ZFPM2: variants seen among roughly 807,000 people sequenced by gnomAD.
ZFPM2 encodes zinc finger protein ZFPM2.
A neutral mutation model predicts 98.6 loss-of-function variants in ZFPM2; 20 were observed. That is an observed-to-expected ratio of 0.20 (90% CI 0.14 to 0.29). The LOEUF (loss-of-function observed/expected upper bound fraction) is 0.29. Ranked by LOEUF, ZFPM2 falls within the 10% of genes least tolerant of loss-of-function variation. The pLI, the probability that ZFPM2 is intolerant of heterozygous loss-of-function variation, is 1.00. For missense variants in ZFPM2, 1,310 were observed against 1,388.6 expected (o/e 0.94, Z 0.90); for synonymous variants, 518 against 502.7 (o/e 1.03, Z -0.41).
chr8:105,606,248 C>T (rs924324711), intron 4 of ZFPM2, among the ~76,000 whole-genome samples: 1 of 152,062 alleles, frequency 6.6e-6, no homozygotes, highest in Non-Finnish European at 1.5e-5. Context: ...TCTCCTCACC[C>T]TAAGAGGACA....
intron 4 of ZFPM2, among the ~76,000 whole-genome samples, chr8:105,632,580 T>G (rs1379052823): frequency 2.0e-5 from 3 of 152,212 alleles, no homozygotes; most frequent in Admixed American, 6.5e-5. Context: ...TCATTTCATA[T>G]AGAACAAGTT....
In ZFPM2 at chr8:105,497,055, G is replaced by A. The variant is rs1264440795; in HGVS notation, c.301+52674G>A. The stretch of plus-strand genomic sequence containing the variant: ...GGCTGGAGTGCAGTGGCGAGATCTG[G>A]GCTCACTGTGAGCTCCGCCTCCAGG... On this transcript the variant is annotated intron_variant, in intron 3 of 7. Transcript: ENST00000407775. Among the ~76,000 whole-genome samples the A allele has an allele frequency of 5.3e-5, 8 of 150,732 alleles. No individual in the cohort carries two copies. In the South Asian group the frequency reaches 1.7e-3, roughly 32 times the overall value.
intron 5 of ZFPM2, chr8:105,787,312 A>C (rs900649426): frequency 2.6e-5 from 4 of 152,210 alleles, no homozygotes; most frequent in African/African-American, 7.2e-5. Context: ...ATTCGTGAAA[A>C]GTAGTTGTTT....
chr8:105,775,900 A>G (rs967060838), intron 5 of ZFPM2, among the ~76,000 whole-genome samples: 1 of 152,134 alleles, frequency 6.6e-6, no homozygotes, highest in African/African-American at 2.4e-5. Context: ...ATGGCCTCCA[A>G]CACATTAATT....
At chr8:105,658,678 G>T (rs1817335280) in intron 5 of ZFPM2, among the ~76,000 whole-genome samples, 2 of 149,624 alleles carry the variant, frequency 1.3e-5, no homozygotes, top group African/African-American at 4.9e-5. Context: ...CTTCTTGACT[G>T]TCTAACCAAA....
intron 5 of ZFPM2, among the ~76,000 whole-genome samples, chr8:105,758,486 G>A (rs1262381670): frequency 6.6e-6 from 1 of 152,062 alleles, no homozygotes; most frequent in African/African-American, 2.4e-5. Flanking sequence ...TTCTATACAT[G>A]AACCCAAGGC....
chr8:105,624,895 A>G (rs998896266), intron 4 of ZFPM2, among the ~76,000 whole-genome samples: 1 of 152,200 alleles, frequency 6.6e-6, no homozygotes, highest in African/African-American at 2.4e-5. Context: ...CAAGAATTCT[A>G]TCATTTTATT....
At chr8:105,330,129 A>G (rs933045872) in intron 1 of ZFPM2, among the ~76,000 whole-genome samples, 4 of 151,634 alleles carry the variant, frequency 2.6e-5, no homozygotes, top group African/African-American at 9.7e-5. Flanking sequence ...AGTGTTAGCC[A>G]TAAAAATTAG....
intron 4 of ZFPM2, 87 bp downstream of exon 4, chr8:105,561,568 C>A: frequency 9.6e-7 from 1 of 1,036,730 alleles, no homozygotes; most frequent in Non-Finnish European, 1.4e-6. Flanking sequence ...GCTTGCTTTC[C>A]AATGAAATCA....
At chr8:105,411,656 A>T (rs1811579855) in intron 1 of ZFPM2, among the ~76,000 whole-genome samples, 1 of 151,760 alleles carries the variant, frequency 6.6e-6, no homozygotes, top group East Asian at 1.9e-4. Flanking sequence ...ATACTTTTGT[A>T]TTTTTTTCTT....
At chr8:105,483,949 T>C (rs1326816765) in intron 3 of ZFPM2, among the ~76,000 whole-genome samples, 1 of 151,920 alleles carries the variant, frequency 6.6e-6, no homozygotes, top group Non-Finnish European at 1.5e-5. Flanking sequence ...TTATCCAGGA[T>C]GGTCTCGATC....
intron 4 of ZFPM2, among the ~76,000 whole-genome samples, chr8:105,588,286 G>A (rs1277505588): frequency 6.6e-6 from 1 of 152,040 alleles, no homozygotes; most frequent in East Asian, 1.9e-4. Flanking sequence ...TCTCTGATGC[G>A]GTGAAATCCA....
At position 105,519,797 on chromosome 8, in the gene ZFPM2, A is replaced by AT. The variant is rs532672076; in HGVS notation, c.302-41554dup. Among the ~76,000 whole-genome samples, 846 of 145,316 alleles carry AT rather than the reference A, an allele frequency of 5.8e-3. 6 individuals are homozygous for AT. The highest frequency in any genetic ancestry group is 0.018 in the African/African-American group (726 of 39,972). On this transcript the variant is annotated intron_variant, in intron 3 of 7. Coordinates refer to ENST00000407775, the MANE Select transcript of ZFPM2 (RefSeq NM_012082.4). ...GTTGACATTACTTTTGATGGCCTGG[A>AT]TTTTTTTTTTTTAATGTGTTCTCCA...
intron 3 of ZFPM2, among the ~76,000 whole-genome samples, chr8:105,500,941 G>A (rs1813580564): frequency 6.6e-6 from 1 of 152,080 alleles, no homozygotes; most frequent in East Asian, 1.9e-4. Flanking sequence ...GTCAAAATTA[G>A]TTAAGCATCT....
chr8:105,365,308 A>G (rs1159600692), intron 1 of ZFPM2, among the ~76,000 whole-genome samples: 2 of 152,190 alleles, frequency 1.3e-5, no homozygotes, highest in African/African-American at 2.4e-5. Context: ...GAATGGTGAT[A>G]TAAAAGACGA....
At chr8:105,692,660 G>A (rs956255453) in intron 5 of ZFPM2, among the ~76,000 whole-genome samples, 3 of 152,172 alleles carry the variant, frequency 2.0e-5, no homozygotes, top group Non-Finnish European at 4.4e-5. Flanking sequence ...TTAGAAATAT[G>A]GATGTGATTT....
Position 105,377,605 on chromosome 8 carries a change from TCCAAA to T in ZFPM2, c.41-41538_41-41534del, listed in dbSNP as rs1290086477. Among the ~76,000 whole-genome samples, 19 of 9,844 alleles carry T rather than the reference TCCAAA, an allele frequency of 1.9e-3. No individual in the cohort carries two copies. The East Asian group carries it at 0.054, about 28-fold the overall frequency. The allele number at this position is 9,844 out of a possible 152,430, so 6.5% of individuals were successfully genotyped here. A position where few individuals can be genotyped will look rare whatever the true frequency, so the allele number is the denominator to read the frequency against. ...AGCAAAACCCCGTTTTTCTTAAAAA[TCCAAA>T]AAAAAAAAAAAAAAAAAAAAAAAGC... On this transcript the variant is annotated intron_variant, in intron 1 of 7. Coordinates refer to ENST00000407775, the MANE Select transcript of ZFPM2 (RefSeq NM_012082.4).
chr8:105,801,938 C>G lies in ZFPM2; in HGVS notation c.1856C>G (p.Pro619Arg), dbSNP rs1814033483. The change falls in exon 8 of 8, where the codon CCA (proline) becomes CGA (arginine). Residue 619 changes from proline (P) to arginine (R), a missense_variant. Pro to Arg is a moderately radical substitution (Grantham distance 103, BLOSUM62 -2). Coordinates refer to ENST00000407775, the MANE Select transcript of ZFPM2 (RefSeq NM_012082.4). ...GCTCATTCTGCTGATCCTGAGAATCCACTTCTTCAAACATCTTGCATCAAT... is the reference window on the plus strand; with the variant it reads ...GCTCATTCTGCTGATCCTGAGAATCGACTTCTTCAAACATCTTGCATCAAT... ...PAAHSADPENPLLQTSCINSS... is the reference protein window; with the variant it reads ...PAAHSADPENRLLQTSCINSS... 6.2e-7 allele frequency: 1 copy of G among 1,613,890 alleles called. No homozygotes were observed.
At chr8:105,616,645 A>G in intron 4 of ZFPM2, 1 of 354,798 alleles carries the variant, frequency 2.8e-6, no homozygotes, top group South Asian at 2.3e-5. Flanking sequence ...AATATTTGCA[A>G]CAGGTTCATA....
Sources: gnomAD v4.1 joint callset for allele counts (sites outside exome capture counted in the v4.1 genomes callset) on GRCh38, gnomAD v4.1.1 for gene constraint, MANE v1.5 for transcripts, NCBI Gene and HGNC (gene_info 2026-07-23, HGNC 2026-07-21) for gene names.